Variants in THEMIS observed in about 807,000 individuals in gnomAD.
THEMIS encodes thymocyte selection associated.
A neutral mutation model predicts 52.6 loss-of-function variants in THEMIS; 37 were observed. The ratio of observed to expected loss-of-function variants is 0.70; its 90% confidence interval spans 0.54 to 0.93. THEMIS has a LOEUF of 0.93. Among genes scored for constraint, THEMIS ranks in the 40% least tolerant of loss-of-function variants. The probability of loss-of-function intolerance (pLI) is 0.00; values close to 1 mark genes in which losing one functional copy is unlikely to be tolerated. For missense variants in THEMIS, 808 were observed against 763.1 expected (o/e 1.06, Z -0.69); for synonymous variants, 292 against 272.7 (o/e 1.07, Z -0.70).
chr6:127,881,743 T>C (rs1254105996), intron 1 of THEMIS, among the ~76,000 whole-genome samples: 1 of 151,942 alleles, frequency 6.6e-6, no homozygotes, highest in Non-Finnish European at 1.5e-5. Flanking sequence ...TTTTAGGGCT[T>C]TTTTCTACAA....
In THEMIS at chr6:127,900,963, T is replaced by G. The variant is rs1252207132; in HGVS notation, c.-31A>C. ...TGCCTTGGGTAGTTTGTAGACCTGG[T>G]GCTCACAGAAACTTGTGGCTTCTGG... On this transcript the variant is annotated 5_prime_UTR_variant, in exon 1 of 6. Transcript: ENST00000368248. 6.4e-7 allele frequency: 1 copy of G among 1,573,618 alleles called. No individual in the cohort carries two copies. Among genetic ancestry groups the G allele is most frequent in the South Asian group, 1.1e-5 (1 of 90,128 alleles).
chr6:127,808,701 T>C (rs1346878027), intron 4 of THEMIS, among the ~76,000 whole-genome samples: 3 of 152,192 alleles, frequency 2.0e-5, no homozygotes, highest in Admixed American at 1.3e-4. Flanking sequence ...TTGGTAACCA[T>C]ACCCCCACTC....
intron 4 of THEMIS, among the ~76,000 whole-genome samples, chr6:127,794,187 A>G (rs1158524035): frequency 1.3e-5 from 2 of 152,180 alleles, no homozygotes; most frequent in African/African-American, 2.4e-5. Flanking sequence ...TATTATCTCC[A>G]TTGCTATCTT....
chr6:127,801,823 C>T (rs915471996), intron 4 of THEMIS, among the ~76,000 whole-genome samples: 11 of 152,170 alleles, frequency 7.2e-5, no homozygotes, highest in Middle Eastern at 3.4e-3. Context: ...CCTGGTGGGG[C>T]GCTAGAGGTG....
At chr6:127,918,234 T>A (rs762054542) in intron 1 of THEMIS, among the ~76,000 whole-genome samples, 1 of 152,184 alleles carries the variant, frequency 6.6e-6, no homozygotes, top group African/African-American at 2.4e-5. Context: ...ATTCTAATCC[T>A]AAAGAAAGAT....
chr6:127,901,138 AGCTCTTTTT>A (rs1781123844), upstream of THEMIS: 1 of 582,724 alleles, frequency 1.7e-6, no homozygotes, highest in Admixed American at 3.0e-5. Flanking sequence ...AAAATGTTAT[AGCTCTTTTT>A]GTTCACATTG....
chr6:127,767,192 A>G (rs1776229581), intron 4 of THEMIS, among the ~76,000 whole-genome samples: 1 of 152,020 alleles, frequency 6.6e-6, no homozygotes, highest in African/African-American at 2.4e-5. Flanking sequence ...CCCGGGTTCA[A>G]GTGATTCTCC....
chr6:127,902,337 A>T (rs935551186), upstream of THEMIS, among the ~76,000 whole-genome samples: 21 of 148,066 alleles, frequency 1.4e-4, no homozygotes, highest in African/African-American at 4.9e-4. Flanking sequence ...AAAAAAAAAA[A>T]AAAAAAAATA....
rs1188030093 is a variant in THEMIS, at chr6:127,900,823, G to C, written c.91+19C>G. On this transcript the variant is annotated intron_variant, in intron 1 of 5. Transcript: ENST00000368248. ...TTACAAGAATGTTCTAGCCAGTAAA[G>C]GTATTGGAGAGTGCTTACCTTCAAG... 6.3e-7 allele frequency: 1 copy of C among 1,599,466 alleles called. No homozygotes were observed. Among genetic ancestry groups the C allele is most frequent in the East Asian group, 2.2e-5 (1 of 44,790 alleles).
intron 1 of THEMIS, among the ~76,000 whole-genome samples, chr6:127,891,869 TTATATGTGCTC>T (rs1298110371): frequency 6.6e-6 from 1 of 152,122 alleles, no homozygotes; most frequent in Non-Finnish European, 1.5e-5. Context: ...TCTCCCTGCT[TTATATGTGCTC>T]AAGGTACAGG....
intron 4 of THEMIS, among the ~76,000 whole-genome samples, chr6:127,795,203 A>T (rs988054857): frequency 2.0e-5 from 3 of 152,234 alleles, no homozygotes; most frequent in African/African-American, 7.2e-5. Flanking sequence ...TCATGAGAAG[A>T]TTTAGCTAAA....
chr6:127,709,749 C>T lies in THEMIS; in HGVS notation c.*236G>A, dbSNP rs1773910115. On this transcript the variant is annotated 3_prime_UTR_variant, in exon 6 of 6. Coordinates refer to ENST00000368248, the MANE Select transcript of THEMIS (RefSeq NM_001010923.3). ...AGTTAAATAAATACGTCCTAAAGAACAACAACACAATGCCTACAGATTTAG... is the reference window on the plus strand; with the variant it reads ...AGTTAAATAAATACGTCCTAAAGAATAACAACACAATGCCTACAGATTTAG... 2.6e-6 allele frequency: 1 copy of T among 390,402 alleles called. No homozygotes were observed. The allele number at this position is 390,402 out of a possible 1,614,324, so 24.2% of individuals were successfully genotyped here. A position where few individuals can be genotyped will look rare whatever the true frequency, so the allele number is the denominator to read the frequency against.
At chr6:127,789,539 T>A (rs1455986624) in intron 4 of THEMIS, among the ~76,000 whole-genome samples, 1 of 152,140 alleles carries the variant, frequency 6.6e-6, no homozygotes, top group Non-Finnish European at 1.5e-5. Context: ...ACCAGCATCA[T>A]CCTGATACCA....
At chr6:127,871,054 C>A (rs1220712242) in intron 1 of THEMIS, among the ~76,000 whole-genome samples, 2 of 152,036 alleles carry the variant, frequency 1.3e-5, no homozygotes, top group Admixed American at 6.6e-5. Flanking sequence ...GTTTCAAGTA[C>A]CCACAATAAC....
chr6:127,746,738 T>C (rs1265800564), intron 4 of THEMIS, among the ~76,000 whole-genome samples: 1 of 94,948 alleles, frequency 1.1e-5, no homozygotes, highest in African/African-American at 4.4e-5. Context: ...TATATAATTA[T>C]ATTATATATA....
chr6:127,778,001 A>C (rs1776621626), intron 4 of THEMIS, among the ~76,000 whole-genome samples: 1 of 152,146 alleles, frequency 6.6e-6, no homozygotes, highest in Non-Finnish European at 1.5e-5. Context: ...GACCTTGACA[A>C]ATGTACATTG....
intron 2 of THEMIS, among the ~76,000 whole-genome samples, chr6:127,840,457 A>G (rs1779009315): frequency 6.6e-6 from 1 of 152,160 alleles, no homozygotes; most frequent in African/African-American, 2.4e-5. Flanking sequence ...AAAACAACAG[A>G]AACAAATGTA....
rs187931998 is a variant in THEMIS, at chr6:127,778,627, A to T, written c.1758+34256T>A. On this transcript the variant is annotated intron_variant, in intron 4 of 5. Coordinates refer to ENST00000368248, the MANE Select transcript of THEMIS (RefSeq NM_001010923.3). ...TTAAAGCAGGCAGACATCCTAAGGT[A>T]TACCACGACAGTGATCTGATCTTTT... Among the ~76,000 whole-genome samples, 31 of 152,274 alleles carry T rather than the reference A, an allele frequency of 2.0e-4. 2 individuals are homozygous for T. The East Asian group carries it at 3.7e-3, about 18-fold the overall frequency.
At chr6:127,851,642 C>A (rs976865504) in intron 2 of THEMIS, among the ~76,000 whole-genome samples, 1 of 151,650 alleles carries the variant, frequency 6.6e-6, no homozygotes, top group African/African-American at 2.4e-5. Flanking sequence ...AATGATATAC[C>A]ATAGGCGTCT....
Sources: gnomAD v4.1 joint callset for allele counts (sites outside exome capture counted in the v4.1 genomes callset) on GRCh38, gnomAD v4.1.1 for gene constraint, MANE v1.5 for transcripts, NCBI Gene and HGNC (gene_info 2026-07-23, HGNC 2026-07-21) for gene names.